Variants in EXOC4 observed in about 807,000 individuals in gnomAD.
EXOC4 encodes SEC8-like 1.
A neutral mutation model predicts 107.2 loss-of-function variants in EXOC4; 71 were observed. That is an observed-to-expected ratio of 0.66 (90% CI 0.55 to 0.81). The LOEUF (loss-of-function observed/expected upper bound fraction) is 0.81. Ranked by LOEUF, EXOC4 falls within the 30% of genes least tolerant of loss-of-function variation. The probability of loss-of-function intolerance (pLI) is 0.00; values close to 1 mark genes in which losing one functional copy is unlikely to be tolerated. For missense variants in EXOC4, 1,108 were observed against 1,189.6 expected (o/e 0.93, Z 1.01); for synonymous variants, 456 against 441.2 (o/e 1.03, Z -0.42).
chr7:133,621,381 A>T (rs1257259303), intron 9 of EXOC4, among the ~76,000 whole-genome samples: 1 of 152,210 alleles, frequency 6.6e-6, no homozygotes. Context: ...CTACAAAAAA[A>T]AATATGATTT....
chr7:133,568,128 G>T (rs963149689), intron 9 of EXOC4, among the ~76,000 whole-genome samples: 2 of 152,108 alleles, frequency 1.3e-5, no homozygotes, highest in African/African-American at 4.8e-5. Context: ...TTGTGAGATT[G>T]CACGTTTTCA....
chr7:133,895,602 A>G lies in EXOC4; in HGVS notation c.1738A>G (p.Thr580Ala). The G allele has an allele frequency of 1.2e-6, 2 of 1,613,918 alleles. No individual in the cohort carries two copies. Among genetic ancestry groups the G allele is most frequent in the Non-Finnish European group, 1.7e-6 (2 of 1,179,852 alleles). Residue 580 changes from threonine (T) to alanine (A), a missense_variant, in exon 12 of 18, where the codon ACA becomes GCA. Coordinates refer to ENST00000253861, the MANE Select transcript of EXOC4 (RefSeq NM_021807.4). ...LGVQRPLLQS[T>A]IIVEKTVQDL... is the part of the protein sequence containing the mutation. ...TCTCTTTGTTGTTCATTTCCAGAGCACAATCATTGTGGAGAAGACAGTTCA... is the reference window on the plus strand; with the variant it reads ...TCTCTTTGTTGTTCATTTCCAGAGCGCAATCATTGTGGAGAAGACAGTTCA...
intron 5 of EXOC4, among the ~76,000 whole-genome samples, chr7:133,344,409 T>C (rs1484982987): frequency 2.0e-5 from 3 of 152,170 alleles, no homozygotes; most frequent in Non-Finnish European, 2.9e-5. Flanking sequence ...TTTTTGTTTG[T>C]TTTTATGATA....
intron 11 of EXOC4, among the ~76,000 whole-genome samples, chr7:133,862,544 T>C (rs1000705216): frequency 1.3e-5 from 2 of 152,076 alleles, no homozygotes; most frequent in Non-Finnish European, 2.9e-5. Flanking sequence ...GGCATTTATT[T>C]TGGGGTTTGA....
At position 134,014,381 on chromosome 7, in the gene EXOC4, C is replaced by T. The variant is rs181164928; in HGVS notation, c.2687+6546C>T. Among the ~76,000 whole-genome samples the T allele has an allele frequency of 9.8e-4, 149 of 152,150 alleles. 1 individual carries two copies. The highest frequency in any genetic ancestry group is 6.8e-3 in the Middle Eastern group (2 of 294). ...TCGTGCCACTGCACTCCAGCCTGGG[C>T]GACAGAGCGAGACTCCGTCTCAAAA... On this transcript the variant is annotated intron_variant, in intron 17 of 17. Coordinates refer to ENST00000253861, the MANE Select transcript of EXOC4 (RefSeq NM_021807.4).
At chr7:133,425,424 T>C (rs1470353935) in intron 7 of EXOC4, among the ~76,000 whole-genome samples, 1 of 152,094 alleles carries the variant, frequency 6.6e-6, no homozygotes, top group East Asian at 1.9e-4. Flanking sequence ...GTAGCTGGGA[T>C]TACAAGTGCA....
intron 7 of EXOC4, among the ~76,000 whole-genome samples, chr7:133,391,831 T>C (rs1316090359): frequency 6.6e-6 from 1 of 152,180 alleles, no homozygotes; most frequent in Non-Finnish European, 1.5e-5. Flanking sequence ...ACATTGGCAG[T>C]GCTTGCTATA....
intron 9 of EXOC4, among the ~76,000 whole-genome samples, chr7:133,629,611 G>T (rs1335018081): frequency 2.0e-5 from 3 of 151,964 alleles, no homozygotes; most frequent in African/African-American, 7.3e-5. Context: ...CGCAATCTTG[G>T]TTCACTGCAG....
At chr7:134,016,550 C>T (rs1190168892) in intron 17 of EXOC4, among the ~76,000 whole-genome samples, 5 of 152,180 alleles carry the variant, frequency 3.3e-5, no homozygotes, top group Non-Finnish European at 2.9e-5. Context: ...GTTAACTTCT[C>T]CAACTCTTTT....
chr7:133,499,082 T>C (rs1799530328), intron 9 of EXOC4, among the ~76,000 whole-genome samples: 1 of 148,492 alleles, frequency 6.7e-6, no homozygotes, highest in Admixed American at 6.9e-5. Context: ...TTTATTCTCT[T>C]AACCATTATT....
At chr7:134,015,581 A>G (rs1346852439) in intron 17 of EXOC4, among the ~76,000 whole-genome samples, 3 of 152,200 alleles carry the variant, frequency 2.0e-5, no homozygotes, top group Admixed American at 6.5e-5. Flanking sequence ...GTGATTGCTA[A>G]GAAAGTGGTA....
intron 10 of EXOC4, among the ~76,000 whole-genome samples, chr7:133,741,669 T>A (rs1337629251): frequency 6.6e-6 from 1 of 152,216 alleles, no homozygotes; most frequent in Non-Finnish European, 1.5e-5. Context: ...CTTTTCAGAA[T>A]TAGGTCATTC....
At chr7:134,005,153 T>A in intron 16 of EXOC4, 63 bp downstream of exon 16, 2 of 1,512,220 alleles carry the variant, frequency 1.3e-6, no homozygotes, top group East Asian at 4.5e-5. Context: ...TTTCCTGATT[T>A]TCTGTATTAC....
rs1799709154 is a variant in EXOC4 at position 133,508,571 on chromosome 7, G to C, written c.1417+28433G>C. Reference sequence around the variant, plus strand: ...AACCTAATAGAATTATGCATGCGCTGTAAGAGATCATCAACCTTACACCTT... The same window carrying C: ...AACCTAATAGAATTATGCATGCGCTCTAAGAGATCATCAACCTTACACCTT... On this transcript the variant is annotated intron_variant, in intron 9 of 17. Transcript: ENST00000253861. Among the ~76,000 whole-genome samples the C allele has an allele frequency of 1.3e-5, 2 of 152,166 alleles. 1 individual carries two copies. Among genetic ancestry groups the C allele is most frequent in the Non-Finnish European group, 2.9e-5 (2 of 68,036 alleles).
intron 7 of EXOC4, among the ~76,000 whole-genome samples, chr7:133,443,119 A>G (rs568700847): frequency 1.3e-5 from 2 of 152,284 alleles, no homozygotes; most frequent in South Asian, 2.1e-4. Context: ...ATTTCCCTGT[A>G]GGGGTGGTGT....
chr7:133,787,378 TGTGTGTGTGTGA>T (rs757896572), intron 10 of EXOC4, among the ~76,000 whole-genome samples: 2,338 of 24,194 alleles, frequency 0.097, 56 homozygotes, highest in African/African-American at 0.22. Flanking sequence ...TGTGTGTGTG[TGTGTGTGTGTGA>T]GATGAGGTCT....
At chr7:133,743,945 T>A (rs961279231) in intron 10 of EXOC4, among the ~76,000 whole-genome samples, 2 of 152,168 alleles carry the variant, frequency 1.3e-5, no homozygotes, top group Non-Finnish European at 2.9e-5. Context: ...GAGAGAGAAC[T>A]CTGAGGAGGA....
At chr7:133,605,895 A>G (rs938249317) in intron 9 of EXOC4, among the ~76,000 whole-genome samples, 3 of 152,140 alleles carry the variant, frequency 2.0e-5, no homozygotes, top group Non-Finnish European at 4.4e-5. Flanking sequence ...AAGGTCAGAA[A>G]AATGAGGTGG....
intron 5 of EXOC4, among the ~76,000 whole-genome samples, chr7:133,328,328 C>T (rs552504417): frequency 3.9e-5 from 6 of 152,002 alleles, no homozygotes; most frequent in East Asian, 3.9e-4. Context: ...TGTCTTTGCA[C>T]GTGAGATGGG....
Sources: allele counts gnomAD v4.1 joint callset (sites outside exome capture counted in the v4.1 genomes callset), GRCh38; gene constraint gnomAD v4.1.1; transcripts MANE v1.5; gene names NCBI Gene and HGNC (gene_info 2026-07-23, HGNC 2026-07-21).